RXRA: variants seen among roughly 807,000 people sequenced by gnomAD.
The protein encoded by RXRA is retinoic acid receptor RXR-alpha.
In RXRA, 5 loss-of-function variants were observed where a neutral mutation model predicts 44.5. That is an observed-to-expected ratio of 0.11 (90% confidence interval 0.06 to 0.24). The LOEUF is 0.24. RXRA is among the 10% of genes least tolerant of loss of function. RXRA has a pLI of 1.00. For synonymous variants in RXRA, 291 were observed against 271.4 expected, an observed-to-expected ratio of 1.07 and a Z score of -0.71; for missense variants, 412 against 646.5, an observed-to-expected ratio of 0.64 and a Z score of 3.93.
intron 2 of RXRA, chr9:134,402,334 G>A: frequency 5.9e-6 from 1 of 168,474 alleles, no homozygotes; most frequent in Non-Finnish European, 1.3e-5. Context: ...CAGGGCAGCT[G>A]CGTCCCCTCT....
chr9:134,371,189 T>TG (rs1002620067), intron 1 of RXRA, among the ~76,000 whole-genome samples: 1 of 152,102 alleles, frequency 6.6e-6, no homozygotes, highest in Non-Finnish European at 1.5e-5. Flanking sequence ...ACCGGCCCAG[T>TG]GGGGGCTGCT....
At position 134,434,221 on chromosome 9, in the gene RXRA, C is replaced by A; in HGVS notation, c.1241+14C>A. 6.3e-7 allele frequency: 1 copy of A among 1,583,876 alleles called. No homozygotes were observed. The highest frequency in any genetic ancestry group is 8.7e-7 in the Non-Finnish European group (1 of 1,153,174). On this transcript the variant is annotated intron_variant, in intron 9 of 9. Transcript: ENST00000481739. Reference sequence around the variant, plus strand: ...GCAGCCGGGAAGGTGGGTCCCGCCCCGTCCCACACACACCCCAGACCCAGG... The same window carrying A: ...GCAGCCGGGAAGGTGGGTCCCGCCCAGTCCCACACACACCCCAGACCCAGG...
chr9:134,429,103 C>T lies in RXRA; in HGVS notation c.911-5C>T, dbSNP rs550737900. On this transcript the variant is annotated splice_region_variant and splice_polypyrimidine_tract_variant and intron_variant, in intron 6 of 9. Coordinates refer to ENST00000481739, the MANE Select transcript of RXRA (RefSeq NM_002957.6). ...CAGCTGAGTGACTGTGTGCCTCCTC[C>T]CCAGGCTGGAATGAGCTGCTCATCG... is the stretch of plus-strand genomic sequence containing the variant. 4.3e-6 allele frequency: 7 copies of T among 1,612,892 alleles called. No individual in the cohort carries two copies. Among genetic ancestry groups the T allele is most frequent in the African/African-American group, 2.7e-5 (2 of 75,038 alleles).
chr9:134,432,428 G>A (rs1456252334), intron 8 of RXRA, among the ~76,000 whole-genome samples: 5 of 152,244 alleles, frequency 3.3e-5, no homozygotes, highest in African/African-American at 9.6e-5. Flanking sequence ...TCATCCCCAA[G>A]CCTCGGGTCC....
chr9:134,424,296 G>T (rs1289642540), intron 6 of RXRA: 1 of 985,264 alleles, frequency 1.0e-6, no homozygotes, highest in Non-Finnish European at 1.2e-6. Context: ...TGCCTGGAAA[G>T]CCATCCCGTG....
chr9:134,422,117 T>G, intron 6 of RXRA: 1 of 1,307,512 alleles, frequency 7.6e-7, no homozygotes, highest in Non-Finnish European at 9.9e-7. Flanking sequence ...CACTTCTACC[T>G]CCCGGGACAC....
At chr9:134,408,426 G>C (rs1831092516) in intron 3 of RXRA, 127 bp downstream of exon 3, 2 of 1,031,398 alleles carry the variant, frequency 1.9e-6, no homozygotes, top group Non-Finnish European at 1.4e-6. Context: ...CAGGGAGGCA[G>C]GTGCCTGGGC....
chr9:134,331,049 C>T (rs1217030034), intron 1 of RXRA, among the ~76,000 whole-genome samples: 1 of 152,126 alleles, frequency 6.6e-6, no homozygotes, highest in Non-Finnish European at 1.5e-5. Context: ...GGAACAGACT[C>T]AGGAATAGAG....
chr9:134,422,634 C>T (rs1831366582), intron 6 of RXRA: 5 of 919,072 alleles, frequency 5.4e-6, no homozygotes, highest in East Asian at 1.3e-4. Context: ...GGACACTCCC[C>T]TCTCCCCGGA....
intron 1 of RXRA, among the ~76,000 whole-genome samples, chr9:134,352,619 T>A (rs920300816): frequency 2.6e-5 from 4 of 152,168 alleles, no homozygotes; most frequent in Admixed American, 6.5e-5. Flanking sequence ...AGATGCACCC[T>A]GGCTGAGCCC....
Position 134,342,218 on chromosome 9 carries a change from C to T in RXRA, c.28+15559C>T, listed in dbSNP as rs28678148. 0.051 allele frequency among the ~76,000 whole-genome samples: 7,801 copies of T among 152,150 alleles called. 658 individuals carry two copies. The highest frequency in any genetic ancestry group is 0.18 in the African/African-American group (7,309 of 41,480). The stretch of plus-strand genomic sequence containing the variant: ...CCCTGGACCCACTGTGGATCCCAGG[C>T]CAGAGTGAGGGCAGGGGCGGGGGTC... On this transcript the variant is annotated intron_variant, in intron 1 of 9. Coordinates refer to ENST00000481739, the MANE Select transcript of RXRA (RefSeq NM_002957.6). The surrounding 1 kb of genome is among the most constrained non-coding windows in gnomAD (Gnocchi z 4.4).
chr9:134,390,264 A>C (rs1830780622), intron 1 of RXRA, among the ~76,000 whole-genome samples: 1 of 152,172 alleles, frequency 6.6e-6, no homozygotes, highest in Non-Finnish European at 1.5e-5. Context: ...GGCCAAGTTC[A>C]GACCTAGCCC....
At chr9:134,376,532 A>T (rs1033248198) in intron 1 of RXRA, among the ~76,000 whole-genome samples, 4 of 17,610 alleles carry the variant, frequency 2.3e-4, no homozygotes, top group Non-Finnish European at 6.2e-4. Flanking sequence ...TCATGACTTG[A>T]CAGCCTGGCC....
intron 1 of RXRA, among the ~76,000 whole-genome samples, chr9:134,348,036 G>C (rs967148117): frequency 2.0e-5 from 3 of 152,186 alleles, no homozygotes; most frequent in Non-Finnish European, 4.4e-5. Context: ...CGGTGGGTCT[G>C]GTTGCAGTTA....
chr9:134,394,148 G>GTTGATCCTGGTGATGATGGTGATATTA, intron 1 of RXRA, among the ~76,000 whole-genome samples: 1 of 115,010 alleles, frequency 8.7e-6, no homozygotes, highest in Non-Finnish European at 1.7e-5. Context: ...TGGTGTTGAT[G>GTTGATCCTGGTGATGATGGTGATATTA]ATGTTGGTGA....
At chr9:134,414,386 A>G (rs1831199419) in intron 4 of RXRA, among the ~76,000 whole-genome samples, 1 of 152,192 alleles carries the variant, frequency 6.6e-6, no homozygotes, top group African/African-American at 2.4e-5. Context: ...GTGGGGTGGG[A>G]GGCTCCGGTG....
chr9:134,428,483 C>G (rs528121083), intron 6 of RXRA, among the ~76,000 whole-genome samples: 1 of 124,992 alleles, frequency 8.0e-6, no homozygotes, highest in South Asian at 3.0e-4. Flanking sequence ...CAGGGAACCC[C>G]CCGATGTTGA....
chr9:134,345,667 C>T (rs900936493), intron 1 of RXRA, among the ~76,000 whole-genome samples: 1 of 152,196 alleles, frequency 6.6e-6, no homozygotes, highest in African/African-American at 2.4e-5. Context: ...ACTTGTGAAA[C>T]CTGGAACCGA....
chr9:134,408,889 C>T (rs770387357), intron 3 of RXRA, 51 bp from the exon 4 acceptor site: 2 of 1,430,770 alleles, frequency 1.4e-6, no homozygotes, highest in East Asian at 5.4e-5. Flanking sequence ...GGGGTGGGCT[C>T]CCTGCCGGGG....
Sources: allele counts gnomAD v4.1 joint callset (sites outside exome capture counted in the v4.1 genomes callset), GRCh38; gene constraint gnomAD v4.1.1; non-coding constraint Gnocchi (gnomAD v3.1); transcripts MANE v1.5; gene names NCBI Gene and HGNC (gene_info 2026-07-23, HGNC 2026-07-21).